KCND3: variants seen among roughly 807,000 people sequenced by gnomAD.
KCND3 encodes the protein potassium voltage-gated channel subfamily D member 3.
In KCND3, 9 loss-of-function variants were observed where a neutral mutation model predicts 51.1. The observed-to-expected ratio is 0.18, with a 90% CI of 0.11 to 0.31. KCND3 has a LOEUF of 0.31. Ranked by LOEUF, KCND3 falls within the 10% of genes least tolerant of loss-of-function variation. KCND3 has a pLI of 1.00. For missense variants in KCND3, 526 were observed against 903.8 expected (o/e 0.58, Z 5.36); for synonymous variants, 349 against 368.0 (o/e 0.95, Z 0.59).
chr1:111,887,482 G>A (rs1669621807), intron 2 of KCND3, among the ~76,000 whole-genome samples: 2 of 152,122 alleles, frequency 1.3e-5, no homozygotes, highest in African/African-American at 2.4e-5. Context: ...CCTCCTCTGG[G>A]GCCCAGCTGG....
intron 2 of KCND3, among the ~76,000 whole-genome samples, chr1:111,817,895 G>A (rs1015896636): frequency 6.6e-6 from 1 of 152,208 alleles, no homozygotes; most frequent in Non-Finnish European, 1.5e-5. Flanking sequence ...CTCATAAGAA[G>A]CTGTAATTAG....
chr1:111,916,707 G>C (rs6669518), intron 2 of KCND3, among the ~76,000 whole-genome samples: 19,644 of 151,944 alleles, frequency 0.13, 1,575 homozygotes, highest in East Asian at 0.4. Flanking sequence ...ATGAAAGATG[G>C]AACATCACTA....
chr1:111,974,800 A>T (rs1432121283), intron 2 of KCND3, among the ~76,000 whole-genome samples: 4 of 152,230 alleles, frequency 2.6e-5, no homozygotes, highest in African/African-American at 7.2e-5. Context: ...AAACAGAGAG[A>T]TACAGAGAGA....
intron 2 of KCND3, among the ~76,000 whole-genome samples, chr1:111,804,581 G>T (rs1665475894): frequency 6.6e-6 from 1 of 152,186 alleles, no homozygotes; most frequent in African/African-American, 2.4e-5. Context: ...AAATCTAGCT[G>T]ACCCCCAGGG....
intron 2 of KCND3, among the ~76,000 whole-genome samples, chr1:111,857,745 G>A (rs1668145781): frequency 6.6e-6 from 1 of 151,882 alleles, no homozygotes; most frequent in Non-Finnish European, 1.5e-5. Flanking sequence ...GCCTCTGGGA[G>A]GCATCCTCTG....
At chr1:111,880,945 G>A (rs1184442350) in intron 2 of KCND3, among the ~76,000 whole-genome samples, 1 of 152,158 alleles carries the variant, frequency 6.6e-6, no homozygotes, top group Non-Finnish European at 1.5e-5. Flanking sequence ...GCCTCGGTCT[G>A]CCTTGGCCCT....
At chr1:111,986,694 T>C (rs1328910258) in intron 1 of KCND3, among the ~76,000 whole-genome samples, 1 of 152,204 alleles carries the variant, frequency 6.6e-6, no homozygotes, top group Non-Finnish European at 1.5e-5. Flanking sequence ...AGTCTATAGC[T>C]TAGGTCTCAT....
At chr1:111,883,174 G>C (rs765029607) in intron 2 of KCND3, among the ~76,000 whole-genome samples, 39 of 152,246 alleles carry the variant, frequency 2.6e-4, no homozygotes, top group Non-Finnish European at 3.7e-4. Flanking sequence ...GGGCATAACA[G>C]CGATTGTCCT....
intron 2 of KCND3, among the ~76,000 whole-genome samples, chr1:111,787,366 A>G (rs920566398): frequency 6.6e-6 from 1 of 152,234 alleles, no homozygotes; most frequent in Non-Finnish European, 1.5e-5. Flanking sequence ...TGTTGGTTCT[A>G]CAAAGAGACT....
chr1:111,868,834 C>A (rs1003821576), intron 2 of KCND3, among the ~76,000 whole-genome samples: 2 of 152,196 alleles, frequency 1.3e-5, no homozygotes, highest in East Asian at 3.9e-4. Flanking sequence ...CTCCTGGGCT[C>A]ACGTGATCCT....
intron 2 of KCND3, among the ~76,000 whole-genome samples, chr1:111,848,872 C>T (rs372957909): frequency 1.9e-4 from 29 of 152,298 alleles, no homozygotes; most frequent in African/African-American, 6.5e-4. Flanking sequence ...ACAGGGAGCG[C>T]TGGCTGCCTC....
chr1:111,790,493 G>T (rs1484836296), intron 2 of KCND3, among the ~76,000 whole-genome samples: 1 of 152,136 alleles, frequency 6.6e-6, no homozygotes, highest in Non-Finnish European at 1.5e-5. Flanking sequence ...GCCACAGCTG[G>T]TGAGTTCAAA....
intron 2 of KCND3, among the ~76,000 whole-genome samples, chr1:111,811,421 C>T (rs966956453): frequency 2.0e-5 from 3 of 152,168 alleles, no homozygotes; most frequent in African/African-American, 7.2e-5. Flanking sequence ...GCTACCCACA[C>T]TCAGGAAATC....
intron 2 of KCND3, among the ~76,000 whole-genome samples, chr1:111,839,033 A>G (rs1373644131): frequency 6.6e-6 from 1 of 152,178 alleles, no homozygotes; most frequent in African/African-American, 2.4e-5. Flanking sequence ...GCTCCTGGGT[A>G]TCTATCTCTT....
At chr1:111,942,825 G>A (rs1672589596) in intron 2 of KCND3, among the ~76,000 whole-genome samples, 1 of 152,210 alleles carries the variant, frequency 6.6e-6, no homozygotes, top group Non-Finnish European at 1.5e-5. Context: ...AGGAGGAAAT[G>A]AGGCTCTGGC....
At chr1:111,943,434 C>T (rs987762219) in intron 2 of KCND3, among the ~76,000 whole-genome samples, 5 of 152,214 alleles carry the variant, frequency 3.3e-5, no homozygotes, top group African/African-American at 1.2e-4. Context: ...ACTTAAGACA[C>T]TGGCTCATGG....
chr1:111,918,792 G>T (rs1671344107), intron 2 of KCND3, among the ~76,000 whole-genome samples: 1 of 152,142 alleles, frequency 6.6e-6, no homozygotes, highest in African/African-American at 2.4e-5. Context: ...GAGCCAGGAA[G>T]TACAACTAGG....
rs534913280 is a variant in KCND3 at position 111,983,604 on chromosome 1, C to T, written c.-72-806G>A. ...CTTCTTGGTTCACCTGACTTCCATGCATCGTCTCTCTCCCTCCCCAGAAGA... is the reference window on the plus strand; with the variant it reads ...CTTCTTGGTTCACCTGACTTCCATGTATCGTCTCTCTCCCTCCCCAGAAGA... On this transcript the variant is annotated intron_variant, in intron 1 of 7. Transcript: ENST00000302127. 2.0e-5 allele frequency among the ~76,000 whole-genome samples: 3 copies of T among 152,278 alleles called. No homozygotes were observed. In the South Asian group the frequency reaches 6.2e-4, roughly 32 times the overall value.
chr1:111,789,874 C>G (rs1352483630), intron 2 of KCND3, among the ~76,000 whole-genome samples: 1 of 152,154 alleles, frequency 6.6e-6, no homozygotes, highest in Non-Finnish European at 1.5e-5. Flanking sequence ...GTTCTTTATA[C>G]CCTTGACAAG....
Sources: allele counts gnomAD v4.1 joint callset (sites outside exome capture counted in the v4.1 genomes callset), GRCh38; gene constraint gnomAD v4.1.1; transcripts MANE v1.5; gene names NCBI Gene and HGNC (gene_info 2026-07-23, HGNC 2026-07-21).